The following DGKK variants were observed in gnomAD, a reference collection of about 807,000 sequenced individuals.
The protein encoded by DGKK is 142 kDa diacylglycerol kinase.
Under a neutral mutation model 92.2 loss-of-function variants are expected in DGKK, and 35 were observed. The ratio of observed to expected loss-of-function variants is 0.38; its 90% CI spans 0.29 to 0.50. The LOEUF (loss-of-function observed/expected upper bound fraction) is 0.50, where lower values mean the gene tolerates loss of function less well. Among genes scored for constraint, DGKK ranks in the 20% least tolerant of loss-of-function variants. The pLI is 0.92. For synonymous variants in DGKK, 368 were observed against 360.6 expected (o/e 1.02, Z -0.23); for missense variants, 910 against 992.2 (o/e 0.92, Z 1.11).
In DGKK at chrX:50,404,145, G is replaced by A; in HGVS notation, c.982C>T (p.His328Tyr). ...AENNPFLVGM[H>Y]CWYSSYSHRT... ...TGGCTGTAACTGGAGTACCAACAATGCATTCCAACAAGAAAAGGGTTGTTT... is the reference window on the plus strand; with the variant it reads ...TGGCTGTAACTGGAGTACCAACAATACATTCCAACAAGAAAAGGGTTGTTT... Residue 328 changes from histidine (H) to tyrosine (Y), a missense_variant, in exon 5 of 28, where the codon CAT (histidine) becomes TAT (tyrosine). Transcript: ENST00000611977. 1 of 1,209,753 alleles carries A rather than the reference G, an allele frequency of 8.3e-7. No homozygotes were observed. Among genetic ancestry groups the A allele is most frequent in the Non-Finnish European group, 1.1e-6 (1 of 894,544 alleles).
At chrX:50,466,073 T>C (rs1557233954) in intron 1 of DGKK, among the ~76,000 whole-genome samples, 1 of 95,266 alleles carries the variant, frequency 1.0e-5, no homozygotes, top group Non-Finnish European at 2.1e-5. Context: ...CCCTTTGGGC[T>C]GCAGATCTGC....
intron 1 of DGKK, among the ~76,000 whole-genome samples, chrX:50,449,504 A>T (rs1926445445): frequency 9.0e-6 from 1 of 111,588 alleles, no homozygotes; most frequent in Non-Finnish European, 1.9e-5. Context: ...CTGCGCAGAG[A>T]TAGAAGCCAC....
In DGKK at chrX:50,376,842, A is replaced by G; in HGVS notation, c.3188T>C (p.Phe1063Ser). The G allele has an allele frequency of 8.3e-7, 1 of 1,209,193 alleles. No individual in the cohort carries two copies. The highest frequency in any genetic ancestry group is 3.0e-5 in the East Asian group (1 of 33,769). The change falls in exon 23 of 28, where the codon TTC becomes TCC. Residue 1063 changes from phenylalanine (F) to serine (S), a missense_variant. Physicochemically the swap from Phe to Ser is radical, Grantham distance 155. Transcript: ENST00000611977. The part of the protein sequence containing the change: ...IQAAPQPQLD[F>S]QDSQESLSDE... ...AGAGAGGCTCTCTTGAGAGTCCTGGAAGTCCAGCTGGGGTTGAGGGGCAGC... is the reference window on the plus strand; with the variant it reads ...AGAGAGGCTCTCTTGAGAGTCCTGGGAGTCCAGCTGGGGTTGAGGGGCAGC...
rs1557222490 is a variant in DGKK at position 50,366,352 on chromosome X, C to T, written c.*2588G>A. ...TAACTGAGGGATTGAGCAAGCCACA[C>T]CTGCTCCTGGGCCTTGTCATCTATC... On this transcript the variant is annotated 3_prime_UTR_variant, in exon 28 of 28. Transcript: ENST00000611977. The T allele has an allele frequency of 9.0e-6, 1 of 111,669 alleles. No individual in the cohort carries two copies. Among genetic ancestry groups the T allele is most frequent in the Non-Finnish European group, 1.9e-5 (1 of 53,207 alleles). 9.2% of individuals were successfully genotyped at this position (111,669 alleles called of 1,213,427 possible).
intron 1 of DGKK, among the ~76,000 whole-genome samples, chrX:50,462,772 C>G (rs1926779730): frequency 9.3e-6 from 1 of 107,301 alleles, no homozygotes; most frequent in Non-Finnish European, 1.9e-5. Flanking sequence ...CTGGGGAGCC[C>G]TCCCTAGTAG....
chrX:50,398,164 C>A (rs1461388491), intron 8 of DGKK, among the ~76,000 whole-genome samples: 1 of 111,751 alleles, frequency 8.9e-6, no homozygotes, highest in East Asian at 2.8e-4. Context: ...AAGTCATGAG[C>A]TGGATGCCCT....
At chrX:50,437,515 C>T (rs73497593) in intron 1 of DGKK, among the ~76,000 whole-genome samples, 6,195 of 111,976 alleles carry the variant, frequency 0.055, 420 homozygotes, top group African/African-American at 0.19. Context: ...CAAATTCTAA[C>T]ACCTACCAGC....
chrX:50,457,842 C>T (rs1926647477), intron 1 of DGKK, among the ~76,000 whole-genome samples: 1 of 111,457 alleles, frequency 9.0e-6, no homozygotes, highest in Non-Finnish European at 1.9e-5. Flanking sequence ...GTCAGGAACA[C>T]AATCCCCAAA....
Position 50,367,499 on chromosome X carries a change from T to C in DGKK, c.*1441A>G, listed in dbSNP as rs1348412044. On this transcript the variant is annotated 3_prime_UTR_variant, in exon 28 of 28. Coordinates refer to ENST00000611977, the MANE Select transcript of DGKK (RefSeq NM_001013742.4). ...CCAGGCCCATGTTTTTTCTGATCAC[T>C]TCAATGCCCCTCTGTACTCAAGGGA... 1 of 111,839 alleles carries C rather than the reference T, an allele frequency of 8.9e-6. No individual in the cohort carries two copies. Among genetic ancestry groups the C allele is most frequent in the Non-Finnish European group, 1.9e-5 (1 of 53,158 alleles). 9.2% of individuals were successfully genotyped at this position (111,839 alleles called of 1,213,427 possible). A position where few individuals can be genotyped will look rare whatever the true frequency, so the allele number is the denominator to read the frequency against.
At chrX:50,392,530 G>A in intron 9 of DGKK, 81 bp from the exon 10 acceptor site, 2 of 784,106 alleles carry the variant, frequency 2.6e-6, no homozygotes, top group Non-Finnish European at 3.8e-6. Context: ...CAGGACACAA[G>A]GATTGCTGCT....
At chrX:50,398,899 C>G (rs1157437064) in intron 8 of DGKK, among the ~76,000 whole-genome samples, 2 of 111,751 alleles carry the variant, frequency 1.8e-5, no homozygotes, top group African/African-American at 6.5e-5. Flanking sequence ...GCTCAGCTGA[C>G]CAGTTTGCTA....
In DGKK at chrX:50,415,189, C is replaced by T. The variant is rs982740236; in HGVS notation, c.942+5214G>A. On this transcript the variant is annotated intron_variant, in intron 4 of 27. Transcript: ENST00000611977. ...TAGAGAGCCACAGCATTGGCACTGC[C>T]CTGCTGATCTGTGGGGGTGATGTTG... Among the ~76,000 whole-genome samples, 5 of 111,643 alleles carry T rather than the reference C, an allele frequency of 4.5e-5. 1 individual carries two copies. The highest frequency in any genetic ancestry group is 1.6e-4 in the African/African-American group (5 of 30,701).
intron 4 of DGKK, among the ~76,000 whole-genome samples, chrX:50,416,152 A>G (rs1361586297): frequency 9.0e-6 from 1 of 111,715 alleles, no homozygotes; most frequent in Non-Finnish European, 1.9e-5. Context: ...GCCCCTCACC[A>G]GACACTGAAC....
At position 50,368,894 on chromosome X, in the gene DGKK, T is replaced by C; in HGVS notation, c.*46A>G. 1 of 1,126,320 alleles carries C rather than the reference T, an allele frequency of 8.9e-7. No individual in the cohort carries two copies. The highest frequency in any genetic ancestry group is 1.9e-5 in the South Asian group (1 of 52,714). The allele number at this position is 1,126,320 out of a possible 1,213,427, so 92.8% of individuals were successfully genotyped here. On this transcript the variant is annotated 3_prime_UTR_variant, in exon 28 of 28. Coordinates refer to ENST00000611977, the MANE Select transcript of DGKK (RefSeq NM_001013742.4). ...GCCTGTATTGAGGTTTTGAGAGTTT[T>C]TTTAGTAGAATTCTCAATGTTGTGA...
rs374545607 is a variant in DGKK, at chrX:50,390,370, C to A, written c.1884G>T (p.Pro628=). ...CCATTTCAACCTGTCCTTTTAGCAG[C>A]GGGGTTTGTCTGGGAGTCTCACGAA... ...VMIRETPRQT[P]LLKGQVEMDV... The change falls in exon 12 of 28, where the codon CCG becomes CCT. Residue 628 remains proline (P), a synonymous_variant. Coordinates refer to ENST00000611977, the MANE Select transcript of DGKK (RefSeq NM_001013742.4). 4.1e-6 allele frequency: 5 copies of A among 1,211,137 alleles called. No individual in the cohort carries two copies. The Admixed American group carries it at 6.5e-5, about 16-fold the overall frequency.
At chrX:50,381,350 C>T (rs1279393467) in intron 18 of DGKK, among the ~76,000 whole-genome samples, 1 of 111,340 alleles carries the variant, frequency 9.0e-6, no homozygotes, top group Non-Finnish European at 1.9e-5. Context: ...CACCAGTAGT[C>T]CCAGCTACTT....
intron 18 of DGKK, among the ~76,000 whole-genome samples, chrX:50,380,505 A>C: frequency 9.0e-6 from 1 of 111,342 alleles, no homozygotes; most frequent in East Asian, 2.8e-4. Context: ...ATTTTTTTTG[A>C]AGCAGCAACT....
At chrX:50,420,692 T>C (rs1451181452) in intron 3 of DGKK, among the ~76,000 whole-genome samples, 185 bp from the exon 4 acceptor site, 3 of 112,080 alleles carry the variant, frequency 2.7e-5, no homozygotes, top group Non-Finnish European at 3.8e-5. Context: ...ATAATAATAA[T>C]GCTAATAGCA....
chrX:50,418,390 C>A (rs782625701), intron 4 of DGKK, among the ~76,000 whole-genome samples: 142 of 111,269 alleles, frequency 1.3e-3, no homozygotes, highest in Non-Finnish European at 2.2e-3. Flanking sequence ...CAGAATTGGG[C>A]AACTAGTAGG....
Sources: allele counts gnomAD v4.1 joint callset (sites outside exome capture counted in the v4.1 genomes callset), GRCh38; gene constraint gnomAD v4.1.1; transcripts MANE v1.5; gene names NCBI Gene and HGNC (gene_info 2026-07-23, HGNC 2026-07-21).